Variants in PLAC1 observed in about 807,000 individuals in gnomAD.
The protein encoded by PLAC1 is placenta associated 1.
For synonymous variants in PLAC1, 68 were observed against 62.1 expected (o/e 1.09, Z -0.44); for missense variants, 136 against 163.2 (o/e 0.83, Z 0.91).
chrX:134,736,234 G>A (rs1300774763), intron 1 of PLAC1, among the ~76,000 whole-genome samples: 4 of 109,957 alleles, frequency 3.6e-5, no homozygotes, highest in Non-Finnish European at 7.6e-5. Flanking sequence ...TGAGATGATT[G>A]TGCCACTGCA....
chrX:134,674,182 T>C (rs985079707), intron 2 of PLAC1, among the ~76,000 whole-genome samples: 15 of 112,594 alleles, frequency 1.3e-4, no homozygotes, highest in Non-Finnish European at 2.6e-4. Flanking sequence ...GATACCAAGG[T>C]TGCCCAAATT....
chrX:134,721,402 A>C (rs182292515), intron 2 of PLAC1, among the ~76,000 whole-genome samples: 1 of 109,079 alleles, frequency 9.2e-6, no homozygotes, highest in Admixed American at 9.8e-5. Flanking sequence ...GAATGACCCC[A>C]CCTCTGAAAA....
intron 1 of PLAC1, among the ~76,000 whole-genome samples, chrX:134,649,406 C>T (rs1427668360): frequency 1.8e-5 from 2 of 111,294 alleles, no homozygotes; most frequent in Non-Finnish European, 3.8e-5. Context: ...GCTATGATGC[C>T]TTGCTGTTGC....
At chrX:134,574,131 G>GAC (rs199579330) in intron 2 of PLAC1, among the ~76,000 whole-genome samples, 9 of 107,537 alleles carry the variant, frequency 8.4e-5, no homozygotes, top group African/African-American at 1.7e-4. Context: ...TGGAGAGACA[G>GAC]ACACACACAC....
chrX:134,707,344 G>A (rs371180247), intron 2 of PLAC1, among the ~76,000 whole-genome samples: 10 of 112,417 alleles, frequency 8.9e-5, no homozygotes, highest in East Asian at 8.3e-4. Flanking sequence ...TAGGGTACAC[G>A]TGCACAACGT....
At chrX:134,605,302 G>A (rs184626818) in intron 1 of PLAC1, among the ~76,000 whole-genome samples, 1 of 111,844 alleles carries the variant, frequency 8.9e-6, no homozygotes, top group Admixed American at 9.5e-5. Flanking sequence ...AGCAGTGACA[G>A]GCTCCAAAGG....
At chrX:134,584,596 T>C (rs372811238) in intron 2 of PLAC1, among the ~76,000 whole-genome samples, 2 of 110,877 alleles carry the variant, frequency 1.8e-5, no homozygotes, top group Middle Eastern at 4.6e-3. Context: ...TAAAACCTTA[T>C]GTGTGAGGGT....
chrX:134,640,707 C>T (rs2078303679), intron 1 of PLAC1, among the ~76,000 whole-genome samples: 1 of 112,162 alleles, frequency 8.9e-6, no homozygotes, highest in Admixed American at 9.4e-5. Context: ...ACACAGATAC[C>T]AGACTATAAG....
chrX:134,729,632 T>C (rs2078683027), intron 2 of PLAC1, among the ~76,000 whole-genome samples: 1 of 111,226 alleles, frequency 9.0e-6, no homozygotes, highest in Admixed American at 9.6e-5. Context: ...TCTCAATCTC[T>C]CTTTATTAAT....
chrX:134,723,583 G>A (rs1242986549), intron 2 of PLAC1, among the ~76,000 whole-genome samples: 1 of 111,141 alleles, frequency 9.0e-6, no homozygotes, highest in Non-Finnish European at 1.9e-5. Context: ...AAAGTGCTGA[G>A]ATTACAGACA....
chrX:134,630,035 G>A (rs1238473909), intron 1 of PLAC1, among the ~76,000 whole-genome samples: 9 of 100,494 alleles, frequency 9.0e-5, no homozygotes, highest in Non-Finnish European at 1.4e-4. Context: ...GCAATGGTGC[G>A]ATCTAAGCTC....
At position 134,657,322 on chromosome X, in the gene PLAC1, T is replaced by C. The variant is rs993859562; in HGVS notation, c.-131+1006A>G. On this transcript the variant is annotated intron_variant, in intron 1 of 2. Coordinates refer to ENST00000359237, the MANE Select transcript of PLAC1 (RefSeq NM_021796.4). ...CAGTACCCTAATAAGCCCGTCATAATGTCAAAAAATTGCAAGCCAAACCAT... is the reference window on the plus strand; with the variant it reads ...CAGTACCCTAATAAGCCCGTCATAACGTCAAAAAATTGCAAGCCAAACCAT... Among the ~76,000 whole-genome samples, 7 of 112,340 alleles carry C rather than the reference T, an allele frequency of 6.2e-5. No individual in the cohort carries two copies. The South Asian group carries it at 1.5e-3, about 24-fold the overall frequency.
chrX:134,745,388 T>C (rs998409616), intron 1 of PLAC1, among the ~76,000 whole-genome samples: 1 of 111,594 alleles, frequency 9.0e-6, no homozygotes, highest in African/African-American at 3.3e-5. Flanking sequence ...ATCACCAAGA[T>C]TGGCTCAGAC....
At chrX:134,696,286 T>G (rs1262054535) in intron 2 of PLAC1, among the ~76,000 whole-genome samples, 1 of 111,161 alleles carries the variant, frequency 9.0e-6, no homozygotes, top group African/African-American at 3.3e-5. Context: ...AGCAGGAGAC[T>G]AACCTCCCAT....
intron 1 of PLAC1, among the ~76,000 whole-genome samples, chrX:134,618,260 C>T (rs776955031): frequency 1.2e-3 from 132 of 112,243 alleles, no homozygotes; most frequent in African/African-American, 3.9e-3. Context: ...AGCATGGCCC[C>T]GGGCAGCAAG....
chrX:134,762,952 A>G (rs1163670044), intron 1 of PLAC1, among the ~76,000 whole-genome samples: 1 of 109,841 alleles, frequency 9.1e-6, no homozygotes, highest in African/African-American at 3.3e-5. Flanking sequence ...GCATACTTCT[A>G]TGAGGTTTCC....
intron 2 of PLAC1, among the ~76,000 whole-genome samples, chrX:134,679,652 A>G (rs1337650130): frequency 8.9e-6 from 1 of 112,083 alleles, no homozygotes; most frequent in African/African-American, 3.2e-5. Context: ...TCAAAATGTC[A>G]ATAGTGCTAA....
chrX:134,719,157 G>A (rs1046993496), intron 2 of PLAC1, among the ~76,000 whole-genome samples: 1 of 111,403 alleles, frequency 9.0e-6, no homozygotes, highest in Non-Finnish European at 1.9e-5. Context: ...ACTACATAGT[G>A]GTAAGTATTG....
chrX:134,611,037 G>T (rs2078149632), intron 1 of PLAC1, among the ~76,000 whole-genome samples: 1 of 109,225 alleles, frequency 9.2e-6, no homozygotes, highest in African/African-American at 3.4e-5. Flanking sequence ...CACCACCATG[G>T]CTGGCTAATT....
Sources: gnomAD v4.1 joint callset for allele counts (sites outside exome capture counted in the v4.1 genomes callset) on GRCh38, gnomAD v4.1.1 for gene constraint, MANE v1.5 for transcripts, NCBI Gene and HGNC (gene_info 2026-07-23, HGNC 2026-07-21) for gene names.